PRKX: variants seen among roughly 807,000 people sequenced by gnomAD.
PRKX encodes protein kinase cAMP-dependent X-linked catalytic subunit, also known as cAMP-dependent protein kinase catalytic subunit PRKX.
In PRKX, 12 loss-of-function variants were observed where a neutral mutation model predicts 22.0. The observed-to-expected ratio is 0.54, with a 90% CI of 0.35 to 0.88. The LOEUF (loss-of-function observed/expected upper bound fraction) is 0.88, where lower values mean the gene tolerates loss of function less well. Ranked by LOEUF, PRKX falls within the 40% of genes least tolerant of loss-of-function variation. The pLI, the probability that PRKX is intolerant of heterozygous loss-of-function variation, is 0.01. For missense variants in PRKX, 217 were observed against 308.0 expected (o/e 0.70, Z 2.21); for synonymous variants, 134 against 137.7 (o/e 0.97, Z 0.19).
intron 4 of PRKX, among the ~76,000 whole-genome samples, chrX:3,631,899 T>G (rs1603473458): frequency 8.9e-6 from 1 of 112,851 alleles, no homozygotes; most frequent in Non-Finnish European, 1.9e-5. Flanking sequence ...TAAAGTTCTC[T>G]TGTTTAAACC....
rs1926313499 is a variant in PRKX at position 3,612,299 on chromosome X, A to G, written c.978T>C (p.Gly326=). ...LKPPIVPKIA[G]DGDTSNFETY... Reference sequence around the variant, plus strand: ...TTTCGAAGTTGGAAGTGTCGCCGTCACCAGCTATCTTGGGCACGATGGGAG... The same window carrying G: ...TTTCGAAGTTGGAAGTGTCGCCGTCGCCAGCTATCTTGGGCACGATGGGAG... The change falls in exon 8 of 9, where the codon GGT becomes GGC. Residue 326 remains glycine, a synonymous_variant. Transcript: ENST00000262848. The G allele has an allele frequency of 8.3e-7, 1 of 1,210,901 alleles. No homozygotes were observed. Among genetic ancestry groups the G allele is most frequent in the Admixed American group, 2.2e-5 (1 of 45,881 alleles).
intron 4 of PRKX, among the ~76,000 whole-genome samples, chrX:3,636,179 A>G (rs1022702295): frequency 5.3e-5 from 6 of 112,564 alleles, no homozygotes; most frequent in African/African-American, 1.6e-4. Flanking sequence ...ACTTAAAGCA[A>G]TAACACAGAC....
intron 1 of PRKX, among the ~76,000 whole-genome samples, chrX:3,701,158 G>C (rs1928561423): frequency 9.2e-6 from 1 of 108,141 alleles, no homozygotes; most frequent in Non-Finnish European, 1.9e-5. Flanking sequence ...ACTAAGGCTG[G>C]AGTGCAGTGG....
At chrX:3,670,514 T>A (rs1232577977) in intron 2 of PRKX, among the ~76,000 whole-genome samples, 1 of 112,185 alleles carries the variant, frequency 8.9e-6, no homozygotes, top group Non-Finnish European at 1.9e-5. Context: ...TCTCATGGGC[T>A]AAGTTACATC....
At chrX:3,672,153 C>A (rs1248706833) in intron 2 of PRKX, among the ~76,000 whole-genome samples, 1 of 110,502 alleles carries the variant, frequency 9.0e-6, no homozygotes, top group African/African-American at 3.3e-5. Context: ...TGTGATTGCA[C>A]CATTGCACTC....
At chrX:3,702,152 T>C (rs1264283181) in intron 1 of PRKX, among the ~76,000 whole-genome samples, 2 of 112,030 alleles carry the variant, frequency 1.8e-5, no homozygotes, top group Non-Finnish European at 3.8e-5. Flanking sequence ...TCCACTCTTG[T>C]CCTCTCATTG....
chrX:3,713,400 C>A lies in PRKX; in HGVS notation c.-147G>T. 1 of 455,850 alleles carries A rather than the reference C, an allele frequency of 2.2e-6. No homozygotes were observed. The highest frequency in any genetic ancestry group is 3.1e-6 in the Non-Finnish European group (1 of 318,854). The allele number at this position is 455,850 out of a possible 1,213,427, so 37.6% of individuals were successfully genotyped here. ...TCTCGCCTCCTGGTGCGCGGTCCGG[C>A]GCGGCTGACGGAGCGACGGGGACAA... On this transcript the variant is annotated 5_prime_UTR_variant, in exon 1 of 9. Transcript: ENST00000262848.
At chrX:3,624,546 C>T (rs902997679) in intron 5 of PRKX, among the ~76,000 whole-genome samples, 1 of 110,850 alleles carries the variant, frequency 9.0e-6, no homozygotes. Flanking sequence ...TCTGCAATTC[C>T]TTTTTTTGTT....
intron 1 of PRKX, among the ~76,000 whole-genome samples, chrX:3,682,227 G>C (rs1928088135): frequency 9.0e-6 from 1 of 110,780 alleles, no homozygotes; most frequent in African/African-American, 3.3e-5. Flanking sequence ...GACACCATCT[G>C]AGCCCAGTTC....
At chrX:3,669,354 CCA>C (rs1927802663) in intron 2 of PRKX, among the ~76,000 whole-genome samples, 7 of 111,578 alleles carry the variant, frequency 6.3e-5, no homozygotes, top group African/African-American at 2.3e-4. Context: ...ATCCATCCAT[CCA>C]TCCATCCATC....
intron 2 of PRKX, among the ~76,000 whole-genome samples, chrX:3,672,323 C>T (rs1927863792): frequency 8.9e-6 from 1 of 111,943 alleles, no homozygotes; most frequent in Non-Finnish European, 1.9e-5. Flanking sequence ...CGACTTTGTT[C>T]CTTAATTGAA....
chrX:3,711,483 T>G (rs927614215), intron 1 of PRKX, among the ~76,000 whole-genome samples: 23 of 112,175 alleles, frequency 2.1e-4, no homozygotes, highest in African/African-American at 7.5e-4. Context: ...GCCCGCATCC[T>G]GCTCTCTGCC....
chrX:3,659,621 C>T (rs764271377), intron 2 of PRKX: 1 of 110,714 alleles, frequency 9.0e-6, no homozygotes, highest in Non-Finnish European at 1.9e-5. Context: ...CTTCTTATAG[C>T]TCAGCAAGTT....
rs150543200 is a variant in PRKX, at chrX:3,692,939, A to G, written c.167-18173T>C. 5.9e-3 allele frequency among the ~76,000 whole-genome samples: 657 copies of G among 111,368 alleles called. 5 individuals carry two copies. Among genetic ancestry groups the G allele is most frequent in the African/African-American group, 0.02 (603 of 30,705 alleles). Reference sequence around the variant, plus strand: ...CGGCTTCTAACACTCCATAACCACAATGAAGTGGTTTATGCAGTCCAGGTT... The same window carrying G: ...CGGCTTCTAACACTCCATAACCACAGTGAAGTGGTTTATGCAGTCCAGGTT... On this transcript the variant is annotated intron_variant, in intron 1 of 8. Transcript: ENST00000262848.
In PRKX at chrX:3,713,126, A is replaced by T; in HGVS notation, c.128T>A (p.Val43Glu). 6 of 1,160,640 alleles carry T rather than the reference A, an allele frequency of 5.2e-6. No individual in the cohort carries two copies. Among genetic ancestry groups the T allele is most frequent in the Non-Finnish European group, 6.9e-6 (6 of 873,286 alleles). ...SPEALSPEPP[V>E]YSLQDFDTLA... ...CGTGTCAAAGTCCTGCAGGCTGTACACAGGCGGCTCCGGCGACAGCGCCTC... is the reference window on the plus strand; with the variant it reads ...CGTGTCAAAGTCCTGCAGGCTGTACTCAGGCGGCTCCGGCGACAGCGCCTC... The change falls in exon 1 of 9, where the codon GTG becomes GAG. Residue 43 changes from valine (V) to glutamate (E), a missense_variant. By Grantham distance (121) the Val-to-Glu change is moderately radical. Coordinates refer to ENST00000262848, the MANE Select transcript of PRKX (RefSeq NM_005044.5).
At chrX:3,668,906 T>C (rs1321586607) in intron 2 of PRKX, among the ~76,000 whole-genome samples, 2 of 112,678 alleles carry the variant, frequency 1.8e-5, no homozygotes, top group Non-Finnish European at 1.9e-5. Context: ...ATGGAGCTGA[T>C]TCTGCTCCCC....
intron 3 of PRKX, among the ~76,000 whole-genome samples, chrX:3,648,505 A>T (rs1416610137): frequency 9.1e-6 from 1 of 109,720 alleles, no homozygotes; most frequent in Non-Finnish European, 1.9e-5. Context: ...CTCAAGAAAC[A>T]AATGGGCAAA....
chrX:3,684,242 A>G (rs1928131005), intron 1 of PRKX, among the ~76,000 whole-genome samples: 1 of 112,168 alleles, frequency 8.9e-6, no homozygotes, highest in African/African-American at 3.3e-5. Flanking sequence ...ACAGAGCGAG[A>G]CTCCGTCTCA....
rs192377068 is a variant in PRKX at position 3,639,886 on chromosome X, C to T, written c.719+1966G>A. Among the ~76,000 whole-genome samples, 40 of 111,093 alleles carry T rather than the reference C, an allele frequency of 3.6e-4. No homozygotes were observed. In the Admixed American group the frequency reaches 3.7e-3, roughly 10 times the overall value. ...CTCCCCAAACAAAGTCAGCGACTGC[C>T]TGGATTTCCTGAGGTGGATGTTAGA... On this transcript the variant is annotated intron_variant, in intron 4 of 8. Transcript: ENST00000262848.
Sources: allele counts gnomAD v4.1 joint callset (sites outside exome capture counted in the v4.1 genomes callset), GRCh38; gene constraint gnomAD v4.1.1; transcripts MANE v1.5; gene names NCBI Gene and HGNC (gene_info 2026-07-23, HGNC 2026-07-21).